The following GALNS variants were observed in gnomAD, a reference collection of about 807,000 sequenced individuals.
GALNS encodes galactosamine (N-acetyl)-6-sulfatase, also known as N-acetylgalactosamine-6-sulfatase.
A neutral mutation model predicts 65.9 loss-of-function variants in GALNS; 65 were observed. The observed-to-expected ratio is 0.99, with a 90% CI of 0.81 to 1.21. GALNS has a LOEUF of 1.21. GALNS is among the 50% of genes most tolerant of loss of function. The pLI is 0.00. For synonymous variants in GALNS, 346 were observed against 288.9 expected (o/e 1.20, Z -2.00); for missense variants, 776 against 700.7 (o/e 1.11, Z -1.21).
chr16:88,825,079 A>G (rs1327781720), intron 10 of GALNS, among the ~76,000 whole-genome samples: 1,128 of 105,652 alleles, frequency 0.011, 29 homozygotes, highest in African/African-American at 0.039. Context: ...CTGGGTGGCC[A>G]GGGCTGGGGT....
At chr16:88,836,331 A>T in intron 5 of GALNS, 64 bp from the exon 6 acceptor site, 1 of 1,316,508 alleles carries the variant, frequency 7.6e-7, no homozygotes, top group Non-Finnish European at 1.1e-6. Flanking sequence ...GTTCTCCCTG[A>T]TTTCACCAGC....
intron 1 of GALNS, chr16:88,843,099 C>T: frequency 6.7e-7 from 1 of 1,486,996 alleles, no homozygotes; most frequent in East Asian, 2.7e-5. Flanking sequence ...TTCGCCTCCA[C>T]TTCTGCTTGG....
intron 13 of GALNS, chr16:88,815,107 C>T: frequency 1.0e-6 from 1 of 985,468 alleles, no homozygotes; most frequent in Non-Finnish European, 1.2e-6. Context: ...TGGGGACCAC[C>T]TCGGTCCAGG....
intron 9 of GALNS, 95 bp downstream of exon 9, chr16:88,831,903 G>A (rs1196576491): frequency 9.8e-7 from 1 of 1,019,782 alleles, no homozygotes. Context: ...TGAGCACGGG[G>A]TGCATGGGGG....
At chr16:88,837,019 C>G (rs1161299212) in intron 5 of GALNS, among the ~76,000 whole-genome samples, 1 of 152,260 alleles carries the variant, frequency 6.6e-6, no homozygotes, top group South Asian at 2.1e-4. Flanking sequence ...GGGGCTCTAT[C>G]TAGAAAGAGG....
chr16:88,827,313 C>T (rs1224117178), intron 9 of GALNS, among the ~76,000 whole-genome samples: 2 of 152,216 alleles, frequency 1.3e-5, no homozygotes, highest in African/African-American at 4.8e-5. Flanking sequence ...CTGACACACC[C>T]AGAGAGCTCC....
At chr16:88,854,148 T>G (rs892885260) in intron 1 of GALNS, among the ~76,000 whole-genome samples, 9 of 152,252 alleles carry the variant, frequency 5.9e-5, no homozygotes, top group South Asian at 4.1e-4. Flanking sequence ...ACTTGAGACA[T>G]GCACACTCGT....
intron 4 of GALNS, 120 bp from the exon 5 acceptor site, chr16:88,837,885 G>T: frequency 9.5e-7 from 1 of 1,047,770 alleles, no homozygotes; most frequent in Non-Finnish European, 1.4e-6. Context: ...CCAGCACTGA[G>T]TATGGGCTAT....
chr16:88,847,322 G>T (rs1412116634), intron 1 of GALNS, among the ~76,000 whole-genome samples: 3 of 152,154 alleles, frequency 2.0e-5, no homozygotes, highest in Admixed American at 1.3e-4. Context: ...AGTGAGCTGA[G>T]ATCGCGCCAC....
intron 10 of GALNS, among the ~76,000 whole-genome samples, chr16:88,825,570 C>T (rs4999578): frequency 1.3e-4 from 9 of 71,854 alleles, no homozygotes; most frequent in Admixed American, 3.0e-4. Context: ...GACTGGGATT[C>T]CTGGGCAGCT....
intron 12 of GALNS, among the ~76,000 whole-genome samples, chr16:88,822,368 CCCAGAA>C (rs1179913119): frequency 6.6e-6 from 1 of 152,138 alleles, no homozygotes; most frequent in Non-Finnish European, 1.5e-5. Context: ...TGGATGGTGG[CCCAGAA>C]GGGGCAGAAG....
At chr16:88,833,893 A>G (rs549196589) in intron 8 of GALNS, among the ~76,000 whole-genome samples, 1 of 152,234 alleles carries the variant, frequency 6.6e-6, no homozygotes, top group African/African-American at 2.4e-5. Context: ...GAAACATTCC[A>G]TCATTTAGAA....
rs1387701908 is a variant in GALNS, at chr16:88,818,435, T to C, written c.1365-311A>G. 2.0e-5 allele frequency among the ~76,000 whole-genome samples: 3 copies of C among 152,210 alleles called. No individual in the cohort carries two copies. The East Asian group carries it at 5.8e-4, about 29-fold the overall frequency. On this transcript the variant is annotated intron_variant, in intron 12 of 13. Transcript: ENST00000268695. ...CTGCCTGTGACCAGGACCCGGGATA[T>C]GTGGGCTGGGGCCTGTGGGTCTCCC...
intron 8 of GALNS, among the ~76,000 whole-genome samples, chr16:88,832,392 C>T (rs1444545037): frequency 6.6e-6 from 1 of 152,210 alleles, no homozygotes; most frequent in East Asian, 1.9e-4. Context: ...AGCAGAGGCC[C>T]TGGGTGCCAC....
chr16:88,848,331 G>T (rs912291916), intron 1 of GALNS, among the ~76,000 whole-genome samples: 2 of 152,106 alleles, frequency 1.3e-5, no homozygotes, highest in Admixed American at 1.3e-4. Flanking sequence ...TCAGTAAAGC[G>T]GCTATAAAAG....
chr16:88,845,449 C>T (rs1967201926), intron 1 of GALNS: 3 of 150,570 alleles, frequency 2.0e-5, no homozygotes, highest in African/African-American at 7.3e-5. Flanking sequence ...GCTACCCTAT[C>T]TTAAAAGGCA....
At chr16:88,816,519 G>A (rs1302519132) in intron 13 of GALNS, 31 of 945,036 alleles carry the variant, frequency 3.3e-5, no homozygotes, top group Middle Eastern at 5.6e-4. Context: ...AGGCACCCCC[G>A]CCCCCCGCCC....
intron 13 of GALNS, 123 bp downstream of exon 13, chr16:88,817,884 C>G: frequency 1.2e-6 from 1 of 869,220 alleles, no homozygotes; most frequent in East Asian, 2.6e-5. Context: ...GAGGGCCTCA[C>G]CACTGACGGA....
intron 1 of GALNS, chr16:88,844,984 A>T (rs981821373): frequency 2.0e-5 from 3 of 152,234 alleles, no homozygotes; most frequent in Non-Finnish European, 4.4e-5. Flanking sequence ...ATGTCACAAA[A>T]TATTACTCTT....
Sources: allele counts gnomAD v4.1 joint callset (sites outside exome capture counted in the v4.1 genomes callset), GRCh38; gene constraint gnomAD v4.1.1; transcripts MANE v1.5; gene names NCBI Gene and HGNC (gene_info 2026-07-23, HGNC 2026-07-21).